LYZL4: variants seen among roughly 807,000 people sequenced by gnomAD.
LYZL4 encodes lysozyme like 4, also known as lysozyme-like protein 4.
Under a neutral mutation model 17.6 loss-of-function variants are expected in LYZL4, and 13 were observed. The observed-to-expected ratio is 0.74, with a 90% confidence interval of 0.48 to 1.18. LYZL4 has a LOEUF of 1.18. Among genes scored for constraint, LYZL4 ranks in the 50% most tolerant of loss-of-function variants. The pLI is 0.00. For missense variants in LYZL4, 174 were observed against 188.2 expected, an observed-to-expected ratio of 0.92 and a Z score of 0.44; for synonymous variants, 64 against 67.7, an observed-to-expected ratio of 0.95 and a Z score of 0.27.
the LYZL4 span, among the ~76,000 whole-genome samples, chr3:42,376,600 G>C: frequency 6.6e-6 from 1 of 152,184 alleles, no homozygotes; most frequent in African/African-American, 2.4e-5. Flanking sequence ...AGCTTACATG[G>C]CTGAGGGCCA....
intron 4 of LYZL4, among the ~76,000 whole-genome samples, chr3:42,399,025 G>C (rs897034064): frequency 2.6e-5 from 4 of 152,080 alleles, no homozygotes; most frequent in African/African-American, 9.7e-5. Flanking sequence ...CAACCCAATA[G>C]AAAAATGGAC....
chr3:42,385,351 C>T, the LYZL4 span, among the ~76,000 whole-genome samples: 17 of 152,146 alleles, frequency 1.1e-4, no homozygotes, highest in Non-Finnish European at 2.5e-4. Flanking sequence ...TGTTTAGATA[C>T]ACGAATACTT....
the LYZL4 span, among the ~76,000 whole-genome samples, chr3:42,375,572 C>T: frequency 3.9e-5 from 6 of 152,074 alleles, no homozygotes; most frequent in South Asian, 2.1e-4. Flanking sequence ...CTCTGCTCTT[C>T]GACTGAAGAC....
downstream of LYZL4, among the ~76,000 whole-genome samples, chr3:42,392,227 G>A (rs1471483427): frequency 6.6e-6 from 1 of 152,188 alleles, no homozygotes; most frequent in Non-Finnish European, 1.5e-5. Context: ...GGAGAGGCCT[G>A]CCTTAGCTGG....
At chr3:42,384,709 C>T in the LYZL4 span, among the ~76,000 whole-genome samples, 6,602 of 152,258 alleles carry the variant, frequency 0.043, 474 homozygotes, top group African/African-American at 0.15. Context: ...CTGTGAAGAG[C>T]ATTTTCACAG....
chr3:42,399,814 G>C (rs891963759), intron 4 of LYZL4, among the ~76,000 whole-genome samples: 2 of 152,028 alleles, frequency 1.3e-5, no homozygotes, highest in African/African-American at 4.8e-5. Context: ...GAGCACATAG[G>C]GGGTTTCCAT....
At chr3:42,370,365 C>G in the LYZL4 span, among the ~76,000 whole-genome samples, 1 of 149,200 alleles carries the variant, frequency 6.7e-6, no homozygotes, top group Non-Finnish European at 1.5e-5. Flanking sequence ...GGGAATATTA[C>G]TGAGCCTGAT....
intron 3 of LYZL4, among the ~76,000 whole-genome samples, chr3:42,406,338 C>T (rs2125602872): frequency 6.6e-6 from 1 of 151,412 alleles, no homozygotes; most frequent in South Asian, 2.1e-4. Context: ...CCTGTAGTCC[C>T]AGCTACTCGG....
chr3:42,408,065 C>A (rs1354313631), intron 1 of LYZL4, among the ~76,000 whole-genome samples: 1 of 152,166 alleles, frequency 6.6e-6, no homozygotes, highest in East Asian at 1.9e-4. Context: ...CTGCCACCAT[C>A]TAAACCCACC....
intron 3 of LYZL4, among the ~76,000 whole-genome samples, chr3:42,406,601 C>G (rs1698757975): frequency 6.6e-6 from 1 of 152,142 alleles, no homozygotes; most frequent in South Asian, 2.1e-4. Flanking sequence ...AACACCTTCT[C>G]TGCCCATTTG....
At chr3:42,384,395 A>G in the LYZL4 span, among the ~76,000 whole-genome samples, 2 of 152,148 alleles carry the variant, frequency 1.3e-5, no homozygotes, top group East Asian at 3.9e-4. Context: ...CTCAGGAGAG[A>G]GGTGAAATTG....
At chr3:42,404,671 G>A (rs938961845) in intron 3 of LYZL4, among the ~76,000 whole-genome samples, 3 of 152,016 alleles carry the variant, frequency 2.0e-5, no homozygotes, top group Admixed American at 6.6e-5. Flanking sequence ...ATAGATAGAT[G>A]ATAGGTAGAT....
chr3:42,362,587 T>A, the LYZL4 span, among the ~76,000 whole-genome samples: 1 of 152,212 alleles, frequency 6.6e-6, no homozygotes, highest in African/African-American at 2.4e-5. Context: ...CCTCACATGT[T>A]GGAAGGGGCA....
At chr3:42,396,474 G>T (rs1698550735), downstream of LYZL4, among the ~76,000 whole-genome samples, 1 of 152,232 alleles carries the variant, frequency 6.6e-6, no homozygotes, top group Non-Finnish European at 1.5e-5. Context: ...AGTTGAAACA[G>T]ATGTAGGGGA....
the LYZL4 span, among the ~76,000 whole-genome samples, chr3:42,370,268 C>G: frequency 1.3e-5 from 2 of 151,898 alleles, no homozygotes; most frequent in Non-Finnish European, 2.9e-5. Flanking sequence ...ACCCCACCCC[C>G]TTCCCACACA....
chr3:42,404,529 A>ATTG, intron 3 of LYZL4, among the ~76,000 whole-genome samples: 1 of 152,150 alleles, frequency 6.6e-6, no homozygotes, highest in Non-Finnish European at 1.5e-5. Context: ...CTTTGTTTGC[A>ATTG]TTCTACCTAA....
chr3:42,380,985 G>C, the LYZL4 span, among the ~76,000 whole-genome samples: 2 of 152,226 alleles, frequency 1.3e-5, no homozygotes, highest in Non-Finnish European at 2.9e-5. Context: ...GCCTTCCTAT[G>C]CTTCTGCCTT....
At chr3:42,395,117 CT>C (rs1378656711), downstream of LYZL4, among the ~76,000 whole-genome samples, 2 of 152,316 alleles carry the variant, frequency 1.3e-5, no homozygotes, top group South Asian at 2.1e-4. Flanking sequence ...CCACACAAAA[CT>C]GTTTGATTAA....
the LYZL4 span, among the ~76,000 whole-genome samples, chr3:42,368,141 G>A: frequency 6.6e-6 from 1 of 152,180 alleles, no homozygotes; most frequent in African/African-American, 2.4e-5. Flanking sequence ...TTAACCATTA[G>A]GACCATTTTG....
Sources: gnomAD v4.1 joint callset for allele counts (sites outside exome capture counted in the v4.1 genomes callset) on GRCh38, gnomAD v4.1.1 for gene constraint, MANE v1.5 for transcripts, NCBI Gene and HGNC (gene_info 2026-07-23, HGNC 2026-07-21) for gene names.